TMEM132E: variants seen among roughly 807,000 people sequenced by gnomAD.
TMEM132E encodes the protein transmembrane protein 132E.
Under a neutral mutation model 78.5 loss-of-function variants are expected in TMEM132E, and 49 were observed. The observed-to-expected ratio is 0.62, with a 90% CI of 0.50 to 0.79. The LOEUF is 0.79. TMEM132E is among the 30% of genes least tolerant of loss of function. The pLI is 0.00. For synonymous variants in TMEM132E, 715 were observed against 670.6 expected, an observed-to-expected ratio of 1.07 and a Z score of -1.02; for missense variants, 1,403 against 1,470.9, an observed-to-expected ratio of 0.95 and a Z score of 0.75.
intron 1 of TMEM132E, among the ~76,000 whole-genome samples, chr17:34,602,259 G>T (rs992986013): frequency 4.6e-5 from 7 of 152,230 alleles, no homozygotes; most frequent in African/African-American, 1.7e-4. Flanking sequence ...TGGCTCTCAT[G>T]TCCCACTGCC....
chr17:34,627,128 G>A, intron 2 of TMEM132E, 71 bp downstream of exon 2: 1 of 1,411,544 alleles, frequency 7.1e-7, no homozygotes, highest in Non-Finnish European at 9.8e-7. Flanking sequence ...CCTTGTGGGT[G>A]GGTTGGGGGG....
intron 1 of TMEM132E, among the ~76,000 whole-genome samples, chr17:34,608,930 C>T (rs191295891): frequency 9.9e-5 from 15 of 152,272 alleles, no homozygotes; most frequent in African/African-American, 3.1e-4. Context: ...ATCTAGCACT[C>T]GCAGCAGACA....
chr17:34,626,483 G>A lies in TMEM132E; in HGVS notation c.424G>A (p.Val142Ile), dbSNP rs1176210723. ...RSHVPASQPV[V>I]QVLFYVAGRD... ...GCACGTGCCCGCCTCGCAGCCCGTG[G>A]TCCAGGTGCTGTTCTACGTAGCCGG... is the stretch of plus-strand genomic sequence containing the variant. Residue 142 changes from valine to isoleucine, a missense_variant, in exon 2 of 9, where the codon GTC becomes ATC. Val to Ile is a conservative substitution (Grantham distance 29). Transcript: ENST00000631683. 73 of 1,612,382 alleles carry A rather than the reference G, an allele frequency of 4.5e-5. No individual in the cohort carries two copies. Among genetic ancestry groups the A allele is most frequent in the Non-Finnish European group, 5.8e-5 (68 of 1,179,806 alleles).
Position 34,638,261 on chromosome 17 carries a change from C to CT in TMEM132E, c.*29_*30insT, listed in dbSNP as rs753300255. On this transcript the variant is annotated 3_prime_UTR_variant, in exon 9 of 9. Coordinates refer to ENST00000631683, the MANE Select transcript of TMEM132E (RefSeq NM_001304438.2). ...CGCCAGCCGGAGTAGCAGGGACCCC[C>CT]CCCCCCAACGGGGTCAGCTCGGGGT... The CT allele has an allele frequency of 6.8e-7, 1 of 1,473,390 alleles. No homozygotes were observed. The highest frequency in any genetic ancestry group is 1.4e-5 in the South Asian group (1 of 71,392). 91.3% of individuals were successfully genotyped at this position (1,473,390 alleles called of 1,614,324 possible).
rs185481205 is a variant in TMEM132E, at chr17:34,602,463, T to C, written c.67+21320T>C. On this transcript the variant is annotated intron_variant, in intron 1 of 8. Transcript: ENST00000631683. ...CCCTGCAGCTCTCACATTTGGAGAG[T>C]TGGCCTGACAGGGGCCAGGGTGGAG... Among the ~76,000 whole-genome samples the C allele has an allele frequency of 2.9e-3, 437 of 152,222 alleles. 4 individuals are homozygous for C. Among genetic ancestry groups the C allele is most frequent in the African/African-American group, 0.01 (422 of 41,548 alleles).
At chr17:34,629,306 A>T in intron 4 of TMEM132E, 102 bp downstream of exon 4, 1 of 1,258,304 alleles carries the variant, frequency 7.9e-7, no homozygotes, top group Non-Finnish European at 1.1e-6. Context: ...ACAAATTGAC[A>T]TGTGTGTATA....
chr17:34,582,565 C>T (rs1905531242), intron 1 of TMEM132E, among the ~76,000 whole-genome samples: 1 of 151,418 alleles, frequency 6.6e-6, no homozygotes, highest in African/African-American at 2.4e-5. Flanking sequence ...CCTCAGTTCT[C>T]TATGGGAGGA....
intron 1 of TMEM132E, among the ~76,000 whole-genome samples, chr17:34,618,107 A>G (rs1416166950): frequency 6.6e-6 from 1 of 152,250 alleles, no homozygotes; most frequent in East Asian, 1.9e-4. Flanking sequence ...CTTGATCTAC[A>G]ATGGCTGCAT....
intron 1 of TMEM132E, among the ~76,000 whole-genome samples, chr17:34,613,169 CTCTCT>C (rs1906648796): frequency 8.7e-6 from 1 of 115,002 alleles, no homozygotes; most frequent in African/African-American, 3.0e-5. Flanking sequence ...CTCTCTCTCT[CTCTCT>C]ACACACACAC....
In TMEM132E at chr17:34,580,920, C is replaced by T. The variant is rs1056799586; in HGVS notation, c.-157C>T. 5 of 502,930 alleles carry T rather than the reference C, an allele frequency of 9.9e-6. No individual in the cohort carries two copies. Among genetic ancestry groups the T allele is most frequent in the Non-Finnish European group, 1.7e-5 (5 of 292,178 alleles). The allele number at this position is 502,930 out of a possible 1,614,324, so 31.2% of individuals were successfully genotyped here. On this transcript the variant is annotated 5_prime_UTR_variant, in exon 1 of 9. Transcript: ENST00000631683. ...GCCAGCGCCTGGGACGCCCCCTCCC[C>T]GCAAAGTGTCCCCGAATTGCACTCT... is the stretch of plus-strand genomic sequence containing the variant.
At chr17:34,590,313 C>T (rs2142051637) in intron 1 of TMEM132E, among the ~76,000 whole-genome samples, 1 of 149,824 alleles carries the variant, frequency 6.7e-6, no homozygotes, top group East Asian at 2.0e-4. Context: ...ACACTCATAG[C>T]TTTCCTCCTC....
At chr17:34,583,740 G>A (rs1202502146) in intron 1 of TMEM132E, among the ~76,000 whole-genome samples, 1 of 152,206 alleles carries the variant, frequency 6.6e-6, no homozygotes, top group Non-Finnish European at 1.5e-5. Flanking sequence ...GGGTGACCTT[G>A]GGCTGCCTCC....
At chr17:34,631,349 G>A (rs984986129) in intron 5 of TMEM132E, among the ~76,000 whole-genome samples, 2 of 152,142 alleles carry the variant, frequency 1.3e-5, no homozygotes, top group Non-Finnish European at 2.9e-5. Flanking sequence ...CCTGTGAGCT[G>A]TCCACTGCTG....
intron 5 of TMEM132E, among the ~76,000 whole-genome samples, chr17:34,631,817 C>T (rs547496143): frequency 7.2e-4 from 109 of 152,324 alleles, no homozygotes; most frequent in African/African-American, 2.3e-3. Context: ...CACCCATGGA[C>T]GTGCACCAGC....
chr17:34,634,228 T>C (rs1907443571), intron 6 of TMEM132E, among the ~76,000 whole-genome samples: 1 of 152,220 alleles, frequency 6.6e-6, no homozygotes, highest in Non-Finnish European at 1.5e-5. Flanking sequence ...TCCCAAATCA[T>C]CAAGTCCAGG....
Position 34,627,053 on chromosome 17 carries a change from C to T in TMEM132E, c.994C>T (p.Leu332Phe). ...PSSPSVEHFT[L>F]RVKAKKGVTL... ...CAGCCCCAGCGTGGAGCACTTCACACTCAGGTAGTAGGGAAGATGGGTGGG... is the reference window on the plus strand; with the variant it reads ...CAGCCCCAGCGTGGAGCACTTCACATTCAGGTAGTAGGGAAGATGGGTGGG... Residue 332 changes from leucine to phenylalanine, a missense_variant, in exon 2 of 9, where the codon CTC (leucine) becomes TTC (phenylalanine). Coordinates refer to ENST00000631683, the MANE Select transcript of TMEM132E (RefSeq NM_001304438.2). 1.2e-6 allele frequency: 2 copies of T among 1,613,412 alleles called. No homozygotes were observed. The highest frequency in any genetic ancestry group is 2.2e-5 in the South Asian group (2 of 91,052).
chr17:34,598,248 C>G (rs968305729), intron 1 of TMEM132E, among the ~76,000 whole-genome samples: 1 of 151,932 alleles, frequency 6.6e-6, no homozygotes, highest in Non-Finnish European at 1.5e-5. Flanking sequence ...GAATTTAATC[C>G]CTTCCTAAGG....
intron 1 of TMEM132E, among the ~76,000 whole-genome samples, chr17:34,606,876 C>T (rs773579981): frequency 1.8e-4 from 28 of 152,216 alleles, no homozygotes; most frequent in Admixed American, 4.6e-4. Context: ...CCCACTCACT[C>T]GCTCTCTCTC....
intron 1 of TMEM132E, among the ~76,000 whole-genome samples, chr17:34,581,492 C>A (rs1905480668): frequency 6.6e-6 from 1 of 152,170 alleles, no homozygotes. Flanking sequence ...CCCCCCGCCC[C>A]CGTCTCTCCC....
Sources: gnomAD v4.1 joint callset for allele counts (sites outside exome capture counted in the v4.1 genomes callset) on GRCh38, gnomAD v4.1.1 for gene constraint, MANE v1.5 for transcripts, NCBI Gene and HGNC (gene_info 2026-07-23, HGNC 2026-07-21) for gene names.